Variants in PRKAR2A observed in about 807,000 individuals in gnomAD.
The protein encoded by PRKAR2A is cAMP-dependent protein kinase type II-alpha regulatory subunit.
In PRKAR2A, 29 loss-of-function variants were observed where a neutral mutation model predicts 51.9. That is an observed-to-expected ratio of 0.56 (90% CI 0.42 to 0.76). PRKAR2A has a LOEUF of 0.76. Ranked by LOEUF, PRKAR2A falls within the 30% of genes least tolerant of loss-of-function variation. The probability of loss-of-function intolerance (pLI) is 0.00; values close to 1 mark genes in which losing one functional copy is unlikely to be tolerated. For synonymous variants in PRKAR2A, 178 were observed against 186.2 expected (o/e 0.96, Z 0.36); for missense variants, 445 against 512.1 (o/e 0.87, Z 1.26).
At chr3:48,780,884 G>C (rs6442132) in intron 5 of PRKAR2A, among the ~76,000 whole-genome samples, 152,156 of 152,284 alleles carry the variant, frequency 1, 76,014 homozygotes, top group Middle Eastern at 1. Context: ...TTGTTCTGTA[G>C]TAAAGTAAGA....
At chr3:48,772,612 A>G (rs2082044931) in intron 6 of PRKAR2A, among the ~76,000 whole-genome samples, 1 of 149,942 alleles carries the variant, frequency 6.7e-6, no homozygotes, top group African/African-American at 2.5e-5. Context: ...TTTCAGGAGC[A>G]CTCTTAATTT....
chr3:48,796,801 T>C (rs1365739356), intron 2 of PRKAR2A, among the ~76,000 whole-genome samples: 6 of 152,122 alleles, frequency 3.9e-5, no homozygotes, highest in South Asian at 2.1e-4. Flanking sequence ...ACTCTTTTTA[T>C]GTATTTAATT....
chr3:48,822,618 G>C (rs1282983171), intron 1 of PRKAR2A, among the ~76,000 whole-genome samples: 1 of 151,878 alleles, frequency 6.6e-6, no homozygotes, highest in Non-Finnish European at 1.5e-5. Flanking sequence ...ACATGTCACA[G>C]ACTAGTAATC....
chr3:48,765,294 A>G lies in PRKAR2A; in HGVS notation c.752T>C (p.Met251Thr). 1 of 1,612,764 alleles carries G rather than the reference A, an allele frequency of 6.2e-7. No individual in the cohort carries two copies. Among genetic ancestry groups the G allele is most frequent in the Non-Finnish European group, 8.5e-7 (1 of 1,179,472 alleles). ...IVKNNAKKRK[M>T]FESFIESVPL... ...CACAGACTCAATAAATGATTCAAAC[A>G]TCTTCCTCTTCTTTGCATTATTTTT... Residue 251 changes from methionine to threonine, a missense_variant, in exon 7 of 11, where the codon ATG (methionine) becomes ACG (threonine). Physicochemically the swap from Met to Thr is moderately conservative, Grantham distance 81. Coordinates refer to ENST00000265563, the MANE Select transcript of PRKAR2A (RefSeq NM_004157.4).
chr3:48,834,297 C>A (rs2083244059), intron 1 of PRKAR2A, among the ~76,000 whole-genome samples: 1 of 152,084 alleles, frequency 6.6e-6, no homozygotes, highest in Admixed American at 6.6e-5. Flanking sequence ...GAGAGTAGCT[C>A]TCCTGTGAGG....
intron 1 of PRKAR2A, among the ~76,000 whole-genome samples, chr3:48,836,419 T>TAAAAAAAAA (rs548970318): frequency 2.7e-4 from 15 of 56,094 alleles, no homozygotes; most frequent in Non-Finnish European, 3.9e-4. Context: ...AGACTCCGTC[T>TAAAAAAAAA]AAAAAAAAAA....
intron 3 of PRKAR2A, among the ~76,000 whole-genome samples, chr3:48,792,930 AAAACAAAC>A (rs941231071): frequency 1.3e-5 from 2 of 151,838 alleles, no homozygotes; most frequent in Non-Finnish European, 2.9e-5. Flanking sequence ...CTCTGTCTCA[AAAACAAAC>A]AAACAAACAA....
rs1249899951 is a variant in PRKAR2A at position 48,847,492 on chromosome 3, C to G, written c.105G>C (p.Glu35Asp). 1 of 1,556,162 alleles carries G rather than the reference C, an allele frequency of 6.4e-7. No individual in the cohort carries two copies. Among genetic ancestry groups the G allele is most frequent in the African/African-American group, 1.4e-5 (1 of 73,256 alleles). ...GGGCCTCGCGCAGGCGGGTGAAGTA[C>G]TCCACTGCGAATTCGACGAGGTCAG... ...QPPDLVEFAV[E>D]YFTRLREARA... Residue 35 changes from glutamate (E) to aspartate (D), a missense_variant, in exon 1 of 11, where the codon GAG becomes GAC. By Grantham distance (45) the Glu-to-Asp change is conservative. Transcript: ENST00000265563. This position sits in a 1 kb window ranked among gnomAD's most constrained non-coding sequence, Gnocchi z 4.4.
intron 1 of PRKAR2A, among the ~76,000 whole-genome samples, chr3:48,832,139 C>G (rs553690400): frequency 3.3e-5 from 5 of 151,792 alleles, no homozygotes; most frequent in African/African-American, 1.2e-4. Flanking sequence ...ATTAAAAATA[C>G]AAAAACTAGC....
intron 2 of PRKAR2A, 86 bp downstream of exon 2, chr3:48,807,558 GCTTAT>G: frequency 3.8e-6 from 4 of 1,057,938 alleles, no homozygotes; most frequent in Non-Finnish European, 5.7e-6. Context: ...TGTGATGGGA[GCTTAT>G]CTTTTTATTC....
intron 4 of PRKAR2A, among the ~76,000 whole-genome samples, chr3:48,788,187 C>T (rs537441728): frequency 5.5e-4 from 84 of 152,150 alleles, no homozygotes; most frequent in African/African-American, 2.0e-3. Context: ...CGCGCCACCA[C>T]GCCCAGCTAA....
chr3:48,755,502 CCA>C (rs2081746327), intron 9 of PRKAR2A, among the ~76,000 whole-genome samples: 1 of 152,036 alleles, frequency 6.6e-6, no homozygotes, highest in African/African-American at 2.4e-5. Flanking sequence ...CATTAAATGA[CCA>C]CAGTTATCCT....
intron 1 of PRKAR2A, among the ~76,000 whole-genome samples, chr3:48,816,381 C>T (rs947282768): frequency 2.0e-5 from 3 of 152,100 alleles, no homozygotes; most frequent in Non-Finnish European, 4.4e-5. Flanking sequence ...CAGCACATGG[C>T]GGATTAAAAT....
chr3:48,844,616 A>G (rs2083431771), intron 1 of PRKAR2A, among the ~76,000 whole-genome samples: 1 of 148,984 alleles, frequency 6.7e-6, no homozygotes, highest in Admixed American at 6.7e-5. Flanking sequence ...GACTGGATTA[A>G]GAAAATGTGG....
At chr3:48,822,994 G>A (rs1020373206) in intron 1 of PRKAR2A, among the ~76,000 whole-genome samples, 5 of 151,924 alleles carry the variant, frequency 3.3e-5, no homozygotes, top group African/African-American at 4.8e-5. Flanking sequence ...ATTAGAAAAA[G>A]CAATCCCTAA....
Position 48,824,015 on chromosome 3 carries a change from T to C in PRKAR2A, c.263-16331A>G, listed in dbSNP as rs528094915. On this transcript the variant is annotated intron_variant, in intron 1 of 10. Coordinates refer to ENST00000265563, the MANE Select transcript of PRKAR2A (RefSeq NM_004157.4). The stretch of plus-strand genomic sequence containing the variant: ...CAGCACTTTGGGAGGCTAAGGCAGG[T>C]GGATCACTTGAAGTCAGGAGTTCAA... Among the ~76,000 whole-genome samples, 435 of 152,126 alleles carry C rather than the reference T, an allele frequency of 2.9e-3. 4 individuals carry two copies. The highest frequency in any genetic ancestry group is 9.9e-3 in the African/African-American group (411 of 41,516).
intron 2 of PRKAR2A, among the ~76,000 whole-genome samples, chr3:48,801,197 G>A (rs1414075016): frequency 6.6e-6 from 1 of 151,952 alleles, no homozygotes; most frequent in Non-Finnish European, 1.5e-5. Context: ...TTGTTGCCTA[G>A]GCTGGAGTAC....
chr3:48,774,863 T>C (rs1245311558), intron 5 of PRKAR2A, among the ~76,000 whole-genome samples: 5 of 152,168 alleles, frequency 3.3e-5, no homozygotes, highest in Admixed American at 3.3e-4. Context: ...CTTTGCCTTA[T>C]TGCATTGACT....
chr3:48,759,492 T>C (rs903088255), intron 8 of PRKAR2A, among the ~76,000 whole-genome samples: 1 of 152,144 alleles, frequency 6.6e-6, no homozygotes, highest in Admixed American at 6.6e-5. Context: ...GTTCAAGTGA[T>C]TCTCCTGCCT....
Sources: allele counts gnomAD v4.1 joint callset (sites outside exome capture counted in the v4.1 genomes callset), GRCh38; gene constraint gnomAD v4.1.1; non-coding constraint Gnocchi (gnomAD v3.1); transcripts MANE v1.5; gene names NCBI Gene and HGNC (gene_info 2026-07-23, HGNC 2026-07-21).